Variants in MAMDC2 observed in about 807,000 individuals in gnomAD.
MAMDC2 encodes the protein MAM domain-containing protein 2.
Under a neutral mutation model 89.8 loss-of-function variants are expected in MAMDC2, and 57 were observed. That is an observed-to-expected ratio of 0.63 (90% CI 0.51 to 0.79). MAMDC2 has a LOEUF of 0.79. MAMDC2 is among the 30% of genes least tolerant of loss of function. The pLI is 0.00. For synonymous variants in MAMDC2, 313 were observed against 293.4 expected (o/e 1.07, Z -0.68); for missense variants, 800 against 820.6 (o/e 0.97, Z 0.31).
rs768457716 is a variant in MAMDC2 at position 70,168,763 on chromosome 9, TTACAA to T, written c.1473_1477del (p.Gln492GlyfsTer22). 2.5e-6 allele frequency: 4 copies of T among 1,613,992 alleles called. No homozygotes were observed. In the African/African-American group the frequency reaches 5.3e-5, roughly 22 times the overall value. On this transcript the variant is annotated frameshift_variant, in exon 10 of 14. Transcript: ENST00000377182. LOFTEE classifies it high-confidence loss of function. Reference sequence around the variant, plus strand: ...TGTGGGCTTGTAGCCCTGGATGACATTACAATACAATTGGGAAGCTGCTCATCTTC... The same window carrying T: ...TGTGGGCTTGTAGCCCTGGATGACATTACAATTGGGAAGCTGCTCATCTTC...
At chr9:70,196,743 A>G (rs2032980822) in intron 11 of MAMDC2, among the ~76,000 whole-genome samples, 1 of 152,130 alleles carries the variant, frequency 6.6e-6, no homozygotes, top group African/African-American at 2.4e-5. Flanking sequence ...AGAAGGCACC[A>G]AGGCATAAAA....
At chr9:70,058,556 A>G (rs1385914238) in intron 2 of MAMDC2, among the ~76,000 whole-genome samples, 3 of 152,012 alleles carry the variant, frequency 2.0e-5, no homozygotes, top group Non-Finnish European at 4.4e-5. Flanking sequence ...GTCATTTTTT[A>G]TCCCCATTTT....
chr9:70,128,948 C>T (rs538618998), intron 6 of MAMDC2, among the ~76,000 whole-genome samples: 3 of 152,184 alleles, frequency 2.0e-5, no homozygotes, highest in Non-Finnish European at 4.4e-5. Flanking sequence ...TGAACCACTG[C>T]GGCCAACCAA....
At chr9:70,099,074 A>G (rs2118210915) in intron 2 of MAMDC2, among the ~76,000 whole-genome samples, 1 of 152,302 alleles carries the variant, frequency 6.6e-6, no homozygotes, top group East Asian at 1.9e-4. Context: ...GAAACTTCAA[A>G]CAGAAGATGA....
At chr9:70,144,165 C>T (rs555652505) in intron 9 of MAMDC2, among the ~76,000 whole-genome samples, 3 of 152,138 alleles carry the variant, frequency 2.0e-5, no homozygotes, top group Middle Eastern at 3.4e-3. Flanking sequence ...TCTTTCCCTC[C>T]CTCTTTCTCA....
At chr9:70,186,866 A>G (rs1587553452) in intron 11 of MAMDC2, among the ~76,000 whole-genome samples, 2 of 152,140 alleles carry the variant, frequency 1.3e-5, no homozygotes, top group Non-Finnish European at 2.9e-5. Flanking sequence ...TAGGCTCTTT[A>G]AACAACCAGT....
intron 10 of MAMDC2, among the ~76,000 whole-genome samples, chr9:70,169,233 T>G (rs989817979): frequency 6.6e-6 from 1 of 152,210 alleles, no homozygotes; most frequent in Non-Finnish European, 1.5e-5. Flanking sequence ...AAACATTTTC[T>G]AAGTGAATTA....
In MAMDC2 at chr9:70,044,660, C is replaced by G. The variant is rs904158394; in HGVS notation, c.111C>G (p.Ser37=). The G allele has an allele frequency of 3.9e-6, 6 of 1,551,558 alleles. No individual in the cohort carries two copies. The highest frequency in any genetic ancestry group is 1.7e-4 in the Middle Eastern group (1 of 5,984). The part of the protein sequence containing the change: ...AFEESTCGFD[S]VLASLPWILN... Reference sequence around the variant, plus strand: ...AAGAGAGCACTTGCGGCTTTGACTCCGTGTTGGCCTCTCTGCCGTGGATTT... The same window carrying G: ...AAGAGAGCACTTGCGGCTTTGACTCGGTGTTGGCCTCTCTGCCGTGGATTT... The change falls in exon 2 of 14, where the codon TCC becomes TCG. Residue 37 remains serine, a synonymous_variant. Transcript: ENST00000377182.
At chr9:70,192,782 G>A (rs941751864) in intron 11 of MAMDC2, among the ~76,000 whole-genome samples, 1 of 152,078 alleles carries the variant, frequency 6.6e-6, no homozygotes, top group Non-Finnish European at 1.5e-5. Flanking sequence ...TTTGCAGTAG[G>A]GAAGAGAGGT....
chr9:70,079,035 A>G (rs765380590), intron 2 of MAMDC2, among the ~76,000 whole-genome samples: 1 of 151,956 alleles, frequency 6.6e-6, no homozygotes, highest in East Asian at 1.9e-4. Flanking sequence ...GAATCCCAAG[A>G]CCTCAGGGTT....
At chr9:70,122,145 T>C (rs770540027) in intron 5 of MAMDC2, among the ~76,000 whole-genome samples, 3 of 152,150 alleles carry the variant, frequency 2.0e-5, no homozygotes, top group Non-Finnish European at 4.4e-5. Context: ...AACAAATGAA[T>C]GATGGAAAGA....
chr9:70,118,053 A>G (rs1477846243), intron 5 of MAMDC2, among the ~76,000 whole-genome samples: 8 of 152,302 alleles, frequency 5.3e-5, no homozygotes, highest in Non-Finnish European at 8.8e-5. Context: ...GGGGAGACAA[A>G]TGTAGCATGT....
At chr9:70,056,292 C>T (rs531249928) in intron 2 of MAMDC2, among the ~76,000 whole-genome samples, 3 of 152,256 alleles carry the variant, frequency 2.0e-5, no homozygotes, top group South Asian at 2.1e-4. Context: ...AGAATTTTCT[C>T]GTGAAGTATG....
At chr9:70,202,716 T>C (rs2033129487) in intron 11 of MAMDC2, among the ~76,000 whole-genome samples, 1 of 149,382 alleles carries the variant, frequency 6.7e-6, no homozygotes, top group Non-Finnish European at 1.5e-5. Context: ...CACTCAGGAA[T>C]TGCTTTATGA....
At chr9:70,054,073 C>A (rs569422005) in intron 2 of MAMDC2, among the ~76,000 whole-genome samples, 44 of 152,226 alleles carry the variant, frequency 2.9e-4, no homozygotes, top group Admixed American at 8.5e-4. Flanking sequence ...AGAGGAACTT[C>A]ATGCTTAGGG....
At chr9:70,055,770 A>G (rs1174696614) in intron 2 of MAMDC2, among the ~76,000 whole-genome samples, 5 of 152,224 alleles carry the variant, frequency 3.3e-5, no homozygotes. Context: ...AATCCTCAGC[A>G]TAATCTTGGA....
intron 9 of MAMDC2, among the ~76,000 whole-genome samples, chr9:70,162,109 G>A (rs1295578651): frequency 2.0e-5 from 3 of 152,110 alleles, no homozygotes; most frequent in Non-Finnish European, 4.4e-5. Context: ...AGGCCTAAAT[G>A]GGGCCATTCA....
intron 3 of MAMDC2, 125 bp downstream of exon 3, chr9:70,108,607 G>C (rs1828410855): frequency 7.8e-6 from 6 of 769,860 alleles, no homozygotes; most frequent in Non-Finnish European, 9.7e-6. Flanking sequence ...TGTTTCATAA[G>C]ATACATACCA....
intron 9 of MAMDC2, among the ~76,000 whole-genome samples, chr9:70,160,008 TC>T (rs1254746160): frequency 2.0e-5 from 3 of 151,922 alleles, no homozygotes; most frequent in African/African-American, 7.3e-5. Flanking sequence ...GGCCAGGAGA[TC>T]AAGACCAGCC....
Sources: allele counts gnomAD v4.1 joint callset (sites outside exome capture counted in the v4.1 genomes callset), GRCh38; gene constraint gnomAD v4.1.1; transcripts MANE v1.5; gene names NCBI Gene and HGNC (gene_info 2026-07-23, HGNC 2026-07-21).